CLUAP1: variants seen among roughly 807,000 people sequenced by gnomAD.
The protein encoded by CLUAP1 is intraflagellar transport 38.
CLUAP1 carries 50 observed loss-of-function variants against 55.0 expected under a neutral mutation model. The ratio of observed to expected loss-of-function variants is 0.91; its 90% CI spans 0.72 to 1.15. CLUAP1 has a LOEUF of 1.15. CLUAP1 is among the 50% of genes most tolerant of loss of function. CLUAP1 has a pLI of 0.00. For missense variants in CLUAP1, 530 were observed against 507.6 expected, an observed-to-expected ratio of 1.04 and a Z score of -0.42; for synonymous variants, 195 against 175.4, an observed-to-expected ratio of 1.11 and a Z score of -0.88.
At chr16:3,505,212 C>G (rs1411330843) in intron 2 of CLUAP1, among the ~76,000 whole-genome samples, 2 of 151,952 alleles carry the variant, frequency 1.3e-5, no homozygotes, top group East Asian at 3.9e-4. Context: ...CACACCAGCC[C>G]GGGCAGATTG....
chr16:3,528,306 C>CCA (rs1042297711), intron 9 of CLUAP1, among the ~76,000 whole-genome samples: 1 of 152,110 alleles, frequency 6.6e-6, no homozygotes. Flanking sequence ...ACACATGCTC[C>CCA]CACACACACT....
upstream of CLUAP1, among the ~76,000 whole-genome samples, chr16:3,497,032 A>G (rs1298453157): frequency 6.6e-6 from 1 of 151,958 alleles, no homozygotes; most frequent in Non-Finnish European, 1.5e-5. Context: ...CACCACGCCC[A>G]ACGGATCTTT....
intron 1 of CLUAP1, 23 bp downstream of exon 1, chr16:3,501,112 T>C (rs369728865): frequency 6.3e-7 from 1 of 1,581,534 alleles, no homozygotes; most frequent in Non-Finnish European, 8.5e-7. Flanking sequence ...CGCGCCCCTG[T>C]GACCTGCGGG....
chr16:3,528,631 G>A (rs540069192), intron 9 of CLUAP1, among the ~76,000 whole-genome samples: 20 of 152,182 alleles, frequency 1.3e-4, no homozygotes, highest in African/African-American at 3.9e-4. Context: ...TGCTGTCCCC[G>A]GGCCAGGATG....
At chr16:3,524,271 C>T (rs1487817437) in intron 8 of CLUAP1, among the ~76,000 whole-genome samples, 2 of 149,340 alleles carry the variant, frequency 1.3e-5, no homozygotes, top group Non-Finnish European at 1.5e-5. Flanking sequence ...CACTGCACTC[C>T]AGCTCGGTTG....
At chr16:3,516,511 T>TG (rs2037732083) in intron 6 of CLUAP1, among the ~76,000 whole-genome samples, 1 of 151,894 alleles carries the variant, frequency 6.6e-6, no homozygotes, top group South Asian at 2.1e-4. Context: ...ATGGCAAGGA[T>TG]AATGGAGCCA....
chr16:3,515,979 G>A (rs552501357), intron 6 of CLUAP1, among the ~76,000 whole-genome samples: 89 of 152,294 alleles, frequency 5.8e-4, no homozygotes, highest in African/African-American at 2.0e-3. Context: ...ATTGTTTACT[G>A]CTCGCTCACA....
At chr16:3,513,702 G>A (rs1002803465) in intron 5 of CLUAP1, among the ~76,000 whole-genome samples, 2 of 152,098 alleles carry the variant, frequency 1.3e-5, no homozygotes, top group East Asian at 1.9e-4. Flanking sequence ...CGCCTTCCTC[G>A]GCCTCCCAAA....
At chr16:3,506,557 G>A (rs895011513) in intron 3 of CLUAP1, 142 bp downstream of exon 3, 39 of 667,270 alleles carry the variant, frequency 5.8e-5, no homozygotes, top group South Asian at 3.4e-4. Context: ...CGCCCAGGCC[G>A]GAGTGCAGTG....
intron 8 of CLUAP1, among the ~76,000 whole-genome samples, chr16:3,524,070 A>G (rs2037891761): frequency 6.7e-6 from 1 of 148,996 alleles, no homozygotes; most frequent in East Asian, 2.0e-4. Context: ...AGGCTTAGGC[A>G]GGAGGATCAC....
At chr16:3,496,522 C>A (rs1164604391), upstream of CLUAP1, 2 of 574,706 alleles carry the variant, frequency 3.5e-6, no homozygotes, top group Non-Finnish European at 6.7e-6. Context: ...CTGCCCGTGA[C>A]CAGCCGGCCC....
chr16:3,536,427 T>C lies in CLUAP1; in HGVS notation c.*156T>C. 7 of 667,388 alleles carry C rather than the reference T, an allele frequency of 1.0e-5. No individual in the cohort carries two copies. The highest frequency in any genetic ancestry group is 7.3e-6 in the Non-Finnish European group (3 of 410,048). 41.3% of individuals were successfully genotyped at this position (667,388 alleles called of 1,614,324 possible). ...TTATTTCTGCTTTAGCCTCCTATGT[T>C]TGCATTCCATGAAGCTTAAATAAGA... On this transcript the variant is annotated 3_prime_UTR_variant, in exon 12 of 12. Transcript: ENST00000576634.
In CLUAP1 at chr16:3,508,289, G is replaced by C; in HGVS notation, c.220G>C (p.Ala74Pro). 1 of 1,585,262 alleles carries C rather than the reference G, an allele frequency of 6.3e-7. No homozygotes were observed. Among genetic ancestry groups the C allele is most frequent in the Non-Finnish European group, 8.5e-7 (1 of 1,172,502 alleles). Reference sequence around the variant, plus strand: ...TTTTTTTTTTTTGGTCTAAAAATAGGCCACCAAGGCACATATAAAACTCAA... The same window carrying C: ...TTTTTTTTTTTTGGTCTAAAAATAGCCCACCAAGGCACATATAAAACTCAA... ...FFIKAIAQFM[A>P]TKAHIKLNTK... is the part of the protein sequence containing the mutation. The change falls in exon 4 of 12, where the codon GCC (alanine) becomes CCC (proline). Residue 74 changes from alanine (A) to proline (P), a missense_variant and splice_region_variant. Transcript: ENST00000576634.
rs377148565 is a variant in CLUAP1, at chr16:3,521,623, C to T, written c.714-1535C>T. ...CTAATTTTTGTATTTTTAGTAGAGA[C>T]GGAGTTTCACCATGTTGGCCAGGCT... On this transcript the variant is annotated intron_variant, in intron 7 of 11. Coordinates refer to ENST00000576634, the MANE Select transcript of CLUAP1 (RefSeq NM_015041.3). Among the ~76,000 whole-genome samples the T allele has an allele frequency of 3.9e-3, 600 of 152,004 alleles. 8 individuals carry two copies. In the East Asian group the frequency reaches 0.04, roughly 10 times the overall value.
intron 11 of CLUAP1, chr16:3,533,308 C>CTTT: frequency 1.5e-6 from 1 of 650,852 alleles, no homozygotes; most frequent in Non-Finnish European, 2.7e-6. Context: ...TCACTGAAGG[C>CTTT]CCCTGTGCTA....
At position 3,538,318 on chromosome 16, in the gene CLUAP1, A is replaced by T. The variant is rs530864577; in HGVS notation, c.*2047A>T. 1.1e-4 allele frequency: 13 copies of T among 117,974 alleles called. No homozygotes were observed. The highest frequency in any genetic ancestry group is 3.6e-4 in the African/African-American group (12 of 33,322). The allele number at this position is 117,974 out of a possible 1,614,324, so 7.3% of individuals were successfully genotyped here. A position where few individuals can be genotyped will look rare whatever the true frequency, so the allele number is the denominator to read the frequency against. Reference sequence around the variant, plus strand: ...AAATTTTATGTATAAGATTACCCCTAAAAAAAAAAAAACAGCCAGTATTCA... The same window carrying T: ...AAATTTTATGTATAAGATTACCCCTTAAAAAAAAAAAACAGCCAGTATTCA... On this transcript the variant is annotated 3_prime_UTR_variant, in exon 12 of 12. Coordinates refer to ENST00000576634, the MANE Select transcript of CLUAP1 (RefSeq NM_015041.3).
At chr16:3,534,045 G>T (rs185810059) in intron 11 of CLUAP1, 1 of 152,238 alleles carries the variant, frequency 6.6e-6, no homozygotes, top group African/African-American at 2.4e-5. Flanking sequence ...CATGCTTTAC[G>T]TGTTCAGGCA....
At chr16:3,514,149 A>G (rs767329843) in intron 5 of CLUAP1, among the ~76,000 whole-genome samples, 1 of 152,176 alleles carries the variant, frequency 6.6e-6, no homozygotes, top group South Asian at 2.1e-4. Flanking sequence ...TGTCCCTAAG[A>G]GACTCAGAGA....
intron 7 of CLUAP1, among the ~76,000 whole-genome samples, chr16:3,522,137 A>G (rs2037850215): frequency 6.6e-6 from 1 of 152,066 alleles, no homozygotes; most frequent in Admixed American, 6.6e-5. Flanking sequence ...TAAATTTATA[A>G]TATCCTGACA....
Sources: allele counts gnomAD v4.1 joint callset (sites outside exome capture counted in the v4.1 genomes callset), GRCh38; gene constraint gnomAD v4.1.1; transcripts MANE v1.5; gene names NCBI Gene and HGNC (gene_info 2026-07-23, HGNC 2026-07-21).